GPC6: variants seen among roughly 807,000 people sequenced by gnomAD.
The protein encoded by GPC6 is glypican 6.
A neutral mutation model predicts 55.2 loss-of-function variants in GPC6; 14 were observed. That is an observed-to-expected ratio of 0.25 (90% confidence interval 0.17 to 0.40). The LOEUF is 0.40. Ranked by LOEUF, GPC6 falls within the 10% of genes least tolerant of loss-of-function variation. GPC6 has a pLI of 1.00. For missense variants in GPC6, 641 were observed against 708.5 expected, an observed-to-expected ratio of 0.90 and a Z score of 1.08; for synonymous variants, 278 against 259.6, an observed-to-expected ratio of 1.07 and a Z score of -0.68.
At chr13:94,402,542 G>C (rs548100330) in intron 8 of GPC6, among the ~76,000 whole-genome samples, 23 of 152,074 alleles carry the variant, frequency 1.5e-4, no homozygotes, top group Non-Finnish European at 2.9e-4. Flanking sequence ...GGGAGATTTT[G>C]CCTCCCACCA....
rs933977561 is a variant in GPC6 at position 93,592,732 on chromosome 13, T to A, written c.319+47311T>A. Reference sequence around the variant, plus strand: ...AACATAGAGAAATATATAACAAATTTGGGACCAGAAATTCATATTTAGTAA... The same window carrying A: ...AACATAGAGAAATATATAACAAATTAGGGACCAGAAATTCATATTTAGTAA... On this transcript the variant is annotated intron_variant, in intron 2 of 8. Coordinates refer to ENST00000377047, the MANE Select transcript of GPC6 (RefSeq NM_005708.5). 5.3e-5 allele frequency among the ~76,000 whole-genome samples: 8 copies of A among 152,198 alleles called. No homozygotes were observed. In the East Asian group the frequency reaches 1.5e-3, roughly 29 times the overall value.
chr13:93,360,273 C>T (rs1880999018), intron 1 of GPC6, among the ~76,000 whole-genome samples: 1 of 152,128 alleles, frequency 6.6e-6, no homozygotes, highest in South Asian at 2.1e-4. Flanking sequence ...AGAGACCAGA[C>T]TGAAATATGT....
intron 6 of GPC6, among the ~76,000 whole-genome samples, chr13:94,355,364 A>C (rs1281327695): frequency 6.6e-6 from 1 of 152,062 alleles, no homozygotes; most frequent in Non-Finnish European, 1.5e-5. Flanking sequence ...CCAGGGTTGC[A>C]CCATGTTCCA....
At chr13:93,955,267 A>G (rs1200539563) in intron 3 of GPC6, among the ~76,000 whole-genome samples, 1 of 151,590 alleles carries the variant, frequency 6.6e-6, no homozygotes, top group East Asian at 2.0e-4. Context: ...ACACACACAC[A>G]CACACACACA....
At chr13:94,085,358 AAAAAG>A (rs1455164726) in intron 4 of GPC6, among the ~76,000 whole-genome samples, 8 of 151,582 alleles carry the variant, frequency 5.3e-5, no homozygotes, top group African/African-American at 1.7e-4. Context: ...AAGAAAAAGA[AAAAAG>A]AAAAGAAAAA....
intron 1 of GPC6, among the ~76,000 whole-genome samples, chr13:93,498,657 C>T (rs141128513): frequency 2.5e-3 from 378 of 152,194 alleles, no homozygotes; most frequent in African/African-American, 8.6e-3. Flanking sequence ...TTTCATTTCC[C>T]GCCATGAATC....
intron 3 of GPC6, among the ~76,000 whole-genome samples, chr13:93,947,427 A>G (rs990826945): frequency 6.6e-6 from 1 of 152,238 alleles, no homozygotes; most frequent in African/African-American, 2.4e-5. Flanking sequence ...ATATAGTCCC[A>G]TAATTATAAA....
chr13:94,008,803 A>G (rs926814834), intron 3 of GPC6, among the ~76,000 whole-genome samples: 1 of 152,184 alleles, frequency 6.6e-6, no homozygotes, highest in East Asian at 1.9e-4. Context: ...ATTATTATCC[A>G]TTTAAAAAGA....
At chr13:93,217,700 AATT>A in the GPC6 span, among the ~76,000 whole-genome samples, 1 of 152,160 alleles carries the variant, frequency 6.6e-6, no homozygotes, top group African/African-American at 2.4e-5. Context: ...TATCTACTTA[AATT>A]AAGGTAGAAG....
At chr13:94,269,685 C>G (rs1339428337) in intron 4 of GPC6, among the ~76,000 whole-genome samples, 2 of 152,082 alleles carry the variant, frequency 1.3e-5, no homozygotes, top group African/African-American at 4.8e-5. Context: ...CACTTTTGTC[C>G]CCAACCTGAG....
intron 2 of GPC6, among the ~76,000 whole-genome samples, chr13:93,568,902 T>C (rs1283481656): frequency 6.6e-6 from 1 of 152,180 alleles, no homozygotes; most frequent in African/African-American, 2.4e-5. Flanking sequence ...CATGTTTTAG[T>C]TTTATCTATG....
chr13:93,432,935 G>A lies in GPC6; in HGVS notation c.161-112328G>A, dbSNP rs540926332. On this transcript the variant is annotated intron_variant, in intron 1 of 8. Transcript: ENST00000377047. ...AGGGAGAGAGATAGAATAGGAGAAG[G>A]AGAAGGCAGAAAAAAAGGAAAGAAA... Among the ~76,000 whole-genome samples the A allele has an allele frequency of 7.1e-5, 9 of 127,020 alleles. No homozygotes were observed. In the South Asian group the frequency reaches 2.1e-3, roughly 30 times the overall value. 83.3% of individuals were successfully genotyped at this position (127,020 alleles called of 152,430 possible). A position where few individuals can be genotyped will look rare whatever the true frequency, so the allele number is the denominator to read the frequency against.
At chr13:93,334,704 T>C (rs901293502) in intron 1 of GPC6, among the ~76,000 whole-genome samples, 12 of 152,278 alleles carry the variant, frequency 7.9e-5, no homozygotes, top group African/African-American at 2.9e-4. Context: ...TGACCTCAGG[T>C]GATTCGCCTG....
intron 4 of GPC6, among the ~76,000 whole-genome samples, chr13:94,077,219 A>T (rs2138791130): frequency 6.6e-6 from 1 of 151,636 alleles, no homozygotes; most frequent in African/African-American, 2.4e-5. Context: ...TTTATTCCTG[A>T]GTATTTTATT....
chr13:93,933,373 A>G (rs1330817660), intron 3 of GPC6, among the ~76,000 whole-genome samples: 1 of 152,124 alleles, frequency 6.6e-6, no homozygotes, highest in Non-Finnish European at 1.5e-5. Context: ...CTAAGTGACA[A>G]TAGTTTCAAG....
At chr13:93,422,252 A>C (rs1322741458) in intron 1 of GPC6, among the ~76,000 whole-genome samples, 1 of 152,194 alleles carries the variant, frequency 6.6e-6, no homozygotes, top group Non-Finnish European at 1.5e-5. Context: ...ATATGAAATC[A>C]GCAACAAAAT....
chr13:93,321,052 G>A (rs1879420868), intron 1 of GPC6, among the ~76,000 whole-genome samples: 2 of 152,058 alleles, frequency 1.3e-5, no homozygotes, highest in African/African-American at 2.4e-5. Flanking sequence ...TCAGCATCTA[G>A]TCTATCAAAG....
At chr13:94,227,362 C>T (rs971202775) in intron 4 of GPC6, among the ~76,000 whole-genome samples, 4 of 152,132 alleles carry the variant, frequency 2.6e-5, no homozygotes, top group Non-Finnish European at 4.4e-5. Flanking sequence ...TTAAAAAATT[C>T]GTACCAGATA....
chr13:93,896,166 G>C (rs886980748), intron 3 of GPC6, among the ~76,000 whole-genome samples: 1 of 151,844 alleles, frequency 6.6e-6, no homozygotes, highest in Non-Finnish European at 1.5e-5. Flanking sequence ...CGATAAATAC[G>C]TACAGCTATT....
Sources: gnomAD v4.1 joint callset for allele counts (sites outside exome capture counted in the v4.1 genomes callset) on GRCh38, gnomAD v4.1.1 for gene constraint, MANE v1.5 for transcripts, NCBI Gene and HGNC (gene_info 2026-07-23, HGNC 2026-07-21) for gene names.